Variants in FCN3 observed in about 807,000 individuals in gnomAD.
FCN3 encodes the protein ficolin 3.
Under a neutral mutation model 31.5 loss-of-function variants are expected in FCN3, and 28 were observed. That is an observed-to-expected ratio of 0.89 (90% confidence interval 0.66 to 1.22). The LOEUF (loss-of-function observed/expected upper bound fraction) is 1.22. Among genes scored for constraint, FCN3 ranks in the 50% most tolerant of loss-of-function variants. The pLI, the probability that FCN3 is intolerant of heterozygous loss-of-function variation, is 0.00. For synonymous variants in FCN3, 124 were observed against 147.4 expected (o/e 0.84, Z 1.15); for missense variants, 351 against 386.8 (o/e 0.91, Z 0.78).
At chr1:27,373,079 C>G in intron 5 of FCN3, 57 bp downstream of exon 5, 2 of 1,590,580 alleles carry the variant, frequency 1.3e-6, no homozygotes, top group Non-Finnish European at 1.7e-6. Context: ...CCCTAGGGGC[C>G]AAGGGGGAGA....
intron 5 of FCN3, among the ~76,000 whole-genome samples, chr1:27,372,773 A>ATATT (rs71584882): frequency 2.1e-5 from 2 of 96,442 alleles, no homozygotes; most frequent in Admixed American, 1.3e-4. Context: ...TCCCTACCCT[A>ATATT]TTTTTTTTTT....
At chr1:27,370,482 G>A in intron 7 of FCN3, 114 bp downstream of exon 7, 1 of 885,284 alleles carries the variant, frequency 1.1e-6, no homozygotes, top group Non-Finnish European at 1.8e-6. Context: ...TTTCTCAGAT[G>A]CGGAAACTAA....
In FCN3 at chr1:27,373,187, G is replaced by A; in HGVS notation, c.342C>T (p.Gly114=). The A allele has an allele frequency of 6.2e-7, 1 of 1,614,062 alleles. No homozygotes were observed. The highest frequency in any genetic ancestry group is 8.5e-7 in the Non-Finnish European group (1 of 1,179,984). ...TGTCACAAAAGACTGGGAGGGCCCTGCCCTCAGGTAGGCACAGATGGTACC... is the reference window on the plus strand; with the variant it reads ...TGTCACAAAAGACTGGGAGGGCCCTACCCTCAGGTAGGCACAGATGGTACC... ...SGWYHLCLPE[G]RALPVFCDMD... The change falls in exon 5 of 8, where the codon GGC becomes GGT. Residue 114 remains glycine (G), a synonymous_variant. Transcript: ENST00000270879.
At position 27,370,642 on chromosome 1, in the gene FCN3, T is replaced by C; in HGVS notation, c.612A>G (p.Val204=). 4 of 1,614,232 alleles carry C rather than the reference T, an allele frequency of 2.5e-6. No homozygotes were observed. The highest frequency in any genetic ancestry group is 3.4e-6 in the Non-Finnish European group (4 of 1,180,038). ...TGCCCAGTGCCAGCTGGTAGTGGTC[T>C]ACCTCACCGAGGAGGCGGAAGGTCG... ...HYATFRLLGE[V]DHYQLALGKF... The change falls in exon 7 of 8, where the codon GTA becomes GTG. Residue 204 remains valine (V), a synonymous_variant. Transcript: ENST00000270879.
In FCN3 at chr1:27,373,158, T is replaced by G. The variant is rs997641386; in HGVS notation, c.371A>C (p.Asp124Ala). 6.2e-7 allele frequency: 1 copy of G among 1,613,796 alleles called. No individual in the cohort carries two copies. Among genetic ancestry groups the G allele is most frequent in the Non-Finnish European group, 8.5e-7 (1 of 1,179,942 alleles). The change falls in exon 5 of 8, where the codon GAC becomes GCC. Residue 124 changes from aspartate to alanine, a missense_variant. Asp to Ala is a moderately radical substitution (Grantham distance 126). Coordinates refer to ENST00000270879, the MANE Select transcript of FCN3 (RefSeq NM_003665.4). ...CACCAGCCAGCCGCCCCCCTCGGTGTCCATGTCACAAAAGACTGGGAGGGC... is the reference window on the plus strand; with the variant it reads ...CACCAGCCAGCCGCCCCCCTCGGTGGCCATGTCACAAAAGACTGGGAGGGC... ...GRALPVFCDM[D>A]TEGGGWLVFQ...
At chr1:27,372,794 T>TTTTTTTTAG (rs2016173034) in intron 5 of FCN3, among the ~76,000 whole-genome samples, 1 of 149,480 alleles carries the variant, frequency 6.7e-6, no homozygotes, top group Non-Finnish European at 1.5e-5. Flanking sequence ...TTTTTTTTTT[T>TTTTTTTTAG]GAGACAGAGT....
Position 27,370,603 on chromosome 1 carries a change from GC to G in FCN3, c.650del (p.Gly217AlafsTer7). 6.2e-7 allele frequency: 1 copy of G among 1,614,088 alleles called. No homozygotes were observed. The highest frequency in any genetic ancestry group is 1.1e-5 in the South Asian group (1 of 91,078). On this transcript the variant is annotated frameshift_variant, in exon 7 of 8. Coordinates refer to ENST00000270879, the MANE Select transcript of FCN3 (RefSeq NM_003665.4). LOFTEE classifies it low-confidence loss of function (END_TRUNC). ...CCCCTTAGGCTCACTCACCTGCAGT[GC>G]CCTCTGAGAACTTGCCCAGTGCCAG... ...YQLALGKFSE[G>X]TAGDSLSLHS... is the part of the protein sequence containing the mutation.
At chr1:27,369,670 A>G (rs1462097347) in intron 7 of FCN3, among the ~76,000 whole-genome samples, 193 bp from the exon 8 acceptor site, 1 of 152,172 alleles carries the variant, frequency 6.6e-6, no homozygotes, top group African/African-American at 2.4e-5. Flanking sequence ...TGAACTCGGG[A>G]CTGTCTGGCT....
chr1:27,370,163 C>A (rs568552259), intron 7 of FCN3, among the ~76,000 whole-genome samples: 3 of 152,122 alleles, frequency 2.0e-5, no homozygotes, highest in Admixed American at 1.3e-4. Context: ...CCCTCCACCA[C>A]GCCCGGCTAA....
At chr1:27,371,571 G>A (rs567670563) in intron 5 of FCN3, among the ~76,000 whole-genome samples, 6 of 152,004 alleles carry the variant, frequency 3.9e-5, no homozygotes, top group East Asian at 1.9e-4. Context: ...GCAAGACTCC[G>A]TCTCAAAACA....
intron 5 of FCN3, among the ~76,000 whole-genome samples, chr1:27,372,469 A>G (rs905571090): frequency 2.0e-5 from 3 of 152,104 alleles, no homozygotes; most frequent in African/African-American, 7.2e-5. Flanking sequence ...GCTGATCTCG[A>G]ACTCTTGACC....
In FCN3 at chr1:27,369,382, C is replaced by A. The variant is rs555099259; in HGVS notation, c.754G>T (p.Ala252Ser). The change falls in exon 8 of 8, where the codon GCC becomes TCC. Residue 252 changes from alanine (A) to serine (S), a missense_variant. By Grantham distance (99) the Ala-to-Ser change is moderately conservative. Transcript: ENST00000270879. ...NSNCAVIVHG[A>S]WWYASCYRSN... is the part of the protein sequence containing the mutation. ...CGGTAACAGGATGCATACCACCAGG[C>A]ACCGTGGACAATCACTGCACAGTTG... 4 of 1,614,244 alleles carry A rather than the reference C, an allele frequency of 2.5e-6. No homozygotes were observed. The highest frequency in any genetic ancestry group is 3.3e-5 in the Admixed American group (2 of 60,036).
At chr1:27,373,699 C>T (rs2016194256) in intron 3 of FCN3, 179 bp from the exon 4 acceptor site, 3 of 700,856 alleles carry the variant, frequency 4.3e-6, no homozygotes, top group South Asian at 3.4e-5. Flanking sequence ...CTCCACTCCT[C>T]CCAGCCTTCC....
Position 27,374,755 on chromosome 1 carries a change from TCAGG to T in FCN3, c.60_63del (p.Cys20Ter), listed in dbSNP as rs761923448. On this transcript the variant is annotated frameshift_variant, in exon 1 of 8. Transcript: ENST00000270879. LOFTEE classifies it high-confidence loss of function. Reference sequence around the variant, plus strand: ...GGGCAGCTGGGGTGTTCCTGGGTCTTCAGGCAGGCAGGCCCCCCAAGCAGGAGAA... The same window carrying T: ...GGGCAGCTGGGGTGTTCCTGGGTCTTCAGGCAGGCCCCCCAAGCAGGAGAA... The T allele has an allele frequency of 4.3e-6, 6 of 1,387,712 alleles. No individual in the cohort carries two copies. The Admixed American group carries it at 8.4e-5, about 20-fold the overall frequency. 86.0% of individuals were successfully genotyped at this position (1,387,712 alleles called of 1,614,324 possible). A position where few individuals can be genotyped will look rare whatever the true frequency, so the allele number is the denominator to read the frequency against.
At position 27,374,400 on chromosome 1, in the gene FCN3, C is replaced by T. The variant is rs369424243; in HGVS notation, c.143G>A (p.Gly48Glu). Reference sequence around the variant, plus strand: ...CTTCTCCCCAGGACTTCCTGGAGCTCCGGGACAACTGGGCAGGAGGACAAC... The same window carrying T: ...CTTCTCCCCAGGACTTCCTGGAGCTTCGGGACAACTGGGCAGGAGGACAAC... ...SKVVLLPSCP[G>E]APGSPGEKGA... Residue 48 changes from glycine (G) to glutamate (E), a missense_variant, in exon 2 of 8, where the codon GGA becomes GAA. Gly to Glu is a moderately conservative substitution (Grantham distance 98). Coordinates refer to ENST00000270879, the MANE Select transcript of FCN3 (RefSeq NM_003665.4). 23 of 1,613,782 alleles carry T rather than the reference C, an allele frequency of 1.4e-5. No individual in the cohort carries two copies. The highest frequency in any genetic ancestry group is 1.9e-5 in the Non-Finnish European group (23 of 1,179,936).
In FCN3 at chr1:27,373,163, G is replaced by C. The variant is rs1030325312; in HGVS notation, c.366C>G (p.Asp122Glu). Residue 122 changes from aspartate (D) to glutamate (E), a missense_variant, in exon 5 of 8, where the codon GAC (aspartate) becomes GAG (glutamate). Transcript: ENST00000270879. ...PEGRALPVFC[D>E]MDTEGGGWLV... The stretch of plus-strand genomic sequence containing the variant: ...GCCAGCCGCCCCCCTCGGTGTCCAT[G>C]TCACAAAAGACTGGGAGGGCCCTGC... The C allele has an allele frequency of 6.8e-6, 11 of 1,613,886 alleles. No individual in the cohort carries two copies. Among genetic ancestry groups the C allele is most frequent in the African/African-American group, 4.0e-5 (3 of 74,894 alleles).
rs766167339 is a variant in FCN3 at position 27,370,664 on chromosome 1, G to C, written c.590C>G (p.Thr197Ser). 3.1e-6 allele frequency: 5 copies of C among 1,614,242 alleles called. No homozygotes were observed. The highest frequency in any genetic ancestry group is 1.3e-5 in the African/African-American group (1 of 75,058). Residue 197 changes from threonine (T) to serine (S), a missense_variant, in exon 7 of 8, where the codon ACC (threonine) becomes AGC (serine). Coordinates refer to ENST00000270879, the MANE Select transcript of FCN3 (RefSeq NM_003665.4). The stretch of plus-strand genomic sequence containing the variant: ...GTCTACCTCACCGAGGAGGCGGAAG[G>C]TCGCATAGTGGGCGAAAGTACGGTT... ...NGNRTFAHYA[T>S]FRLLGEVDHY...
At chr1:27,372,239 A>C (rs72882750) in intron 5 of FCN3, among the ~76,000 whole-genome samples, 5,543 of 144,484 alleles carry the variant, frequency 0.038, 353 homozygotes, top group South Asian at 0.23. Flanking sequence ...ATTGCCCTGC[A>C]CACTCTTCTT....
chr1:27,374,305 T>C (rs982571618), intron 2 of FCN3, 51 bp downstream of exon 2: 1 of 1,370,716 alleles, frequency 7.3e-7, no homozygotes, highest in East Asian at 2.3e-5. Flanking sequence ...ATTGCTACTT[T>C]CCTGCCTTCC....
Sources: allele counts gnomAD v4.1 joint callset (sites outside exome capture counted in the v4.1 genomes callset), GRCh38; gene constraint gnomAD v4.1.1; transcripts MANE v1.5; gene names NCBI Gene and HGNC (gene_info 2026-07-23, HGNC 2026-07-21).